Variants in LARGE1 observed in about 807,000 individuals in gnomAD.
The protein encoded by LARGE1 is xylosyl- and glucuronyltransferase LARGE1.
Under a neutral mutation model 87.6 loss-of-function variants are expected in LARGE1, and 43 were observed. The ratio of observed to expected loss-of-function variants is 0.49; its 90% CI spans 0.38 to 0.63. The LOEUF (loss-of-function observed/expected upper bound fraction) is 0.63, where lower values mean the gene tolerates loss of function less well. Among genes scored for constraint, LARGE1 ranks in the 30% least tolerant of loss-of-function variants. The pLI is 0.00. For missense variants in LARGE1, 802 were observed against 1,000.2 expected (o/e 0.80, Z 2.67); for synonymous variants, 434 against 394.6 (o/e 1.10, Z -1.18).
At chr22:33,533,784 TCTTC>T (rs1233228221) in intron 6 of LARGE1, among the ~76,000 whole-genome samples, 9 of 152,162 alleles carry the variant, frequency 5.9e-5, no homozygotes, top group Admixed American at 2.6e-4. Flanking sequence ...TTCCTAAAGC[TCTTC>T]CTTGTTTTTC....
intron 5 of LARGE1, among the ~76,000 whole-genome samples, chr22:33,592,509 A>G (rs937484350): frequency 1.3e-5 from 2 of 152,194 alleles, no homozygotes; most frequent in Non-Finnish European, 2.9e-5. Context: ...GTTACCCCAC[A>G]AAATCCACTA....
At chr22:33,257,614 G>A (rs1314303491) in intron 11 of LARGE1, among the ~76,000 whole-genome samples, 1 of 152,130 alleles carries the variant, frequency 6.6e-6, no homozygotes, top group Non-Finnish European at 1.5e-5. Context: ...CCTTTAAATA[G>A]CCCTTAACGG....
intron 9 of LARGE1, among the ~76,000 whole-genome samples, chr22:33,341,625 C>T (rs1939154906): frequency 6.6e-6 from 1 of 152,172 alleles, no homozygotes; most frequent in African/African-American, 2.4e-5. Context: ...TTGGTCCAAA[C>T]CACATCCCCA....
rs890842868 is a variant in LARGE1, at chr22:33,610,354, C to T, written c.492-5796G>A. 3.3e-5 allele frequency among the ~76,000 whole-genome samples: 5 copies of T among 152,228 alleles called. No homozygotes were observed. The East Asian group carries it at 7.7e-4, about 24-fold the overall frequency. ...GTCCAGTCTGACAAGTTCTCAGATG[C>T]GAATGAGGAACTTATTGGGAACTTG... On this transcript the variant is annotated intron_variant, in intron 4 of 14. Coordinates refer to ENST00000397394, the MANE Select transcript of LARGE1 (RefSeq NM_133642.5).
intron 1 of LARGE1, among the ~76,000 whole-genome samples, chr22:33,810,303 C>T (rs941048223): frequency 2.6e-5 from 4 of 152,172 alleles, no homozygotes; most frequent in Non-Finnish European, 5.9e-5. Flanking sequence ...ACTGGCTGAA[C>T]CCAAAGCCAT....
chr22:33,092,581 G>A, the LARGE1 span, among the ~76,000 whole-genome samples: 1 of 152,080 alleles, frequency 6.6e-6, no homozygotes, highest in African/African-American at 2.4e-5. Flanking sequence ...ATTAAGCCCT[G>A]CATGCATTAG....
At chr22:33,655,671 T>C (rs2080939112) in intron 2 of LARGE1, among the ~76,000 whole-genome samples, 2 of 152,286 alleles carry the variant, frequency 1.3e-5, no homozygotes, top group African/African-American at 4.8e-5. Flanking sequence ...AGATCACACC[T>C]TGAGTGGCAC....
At chr22:33,203,131 G>C (rs951125731) in intron 11 of LARGE1, among the ~76,000 whole-genome samples, 6 of 150,018 alleles carry the variant, frequency 4.0e-5, no homozygotes, top group East Asian at 3.9e-4. Flanking sequence ...GTGTGCAAGA[G>C]AGAATGAGAG....
At position 33,384,312 on chromosome 22, in the gene LARGE1, A is replaced by G; in HGVS notation, c.893-8T>C. 1 of 1,587,972 alleles carries G rather than the reference A, an allele frequency of 6.3e-7. No homozygotes were observed. Among genetic ancestry groups the G allele is most frequent in the African/African-American group, 1.3e-5 (1 of 74,448 alleles). ...GAAGTAACAGGATCACCCCTGGGCA[A>G]CAGCACAGGATAAAAGAGAAAATTA... On this transcript the variant is annotated splice_region_variant and splice_polypyrimidine_tract_variant and intron_variant, in intron 7 of 14. Coordinates refer to ENST00000397394, the MANE Select transcript of LARGE1 (RefSeq NM_133642.5).
At chr22:33,178,424 C>G in intron 11 of LARGE1, among the ~76,000 whole-genome samples, 1 of 152,132 alleles carries the variant, frequency 6.6e-6, no homozygotes, top group Non-Finnish European at 1.5e-5. Context: ...AGGTGATACT[C>G]ATGAAGAAAG....
chr22:33,211,195 A>G (rs1016268335), intron 11 of LARGE1, among the ~76,000 whole-genome samples: 1 of 152,146 alleles, frequency 6.6e-6, no homozygotes, highest in Non-Finnish European at 1.5e-5. Context: ...TAATCTATAA[A>G]TGTTCTGACT....
rs998739962 is a variant in LARGE1, at chr22:33,728,578, A to C, written c.106+32793T>G. ...AAAAAAAAAAAAAAAAAAAAAAAAA[A>C]ACCAACAACAGAGACACATTTCCAG... On this transcript the variant is annotated intron_variant, in intron 2 of 14. Coordinates refer to ENST00000397394, the MANE Select transcript of LARGE1 (RefSeq NM_133642.5). 1.7e-4 allele frequency among the ~76,000 whole-genome samples: 25 copies of C among 146,608 alleles called. 2 individuals carry two copies. The highest frequency in any genetic ancestry group is 6.7e-4 in the African/African-American group (25 of 37,376).
At chr22:33,389,509 G>A (rs1021019356) in intron 7 of LARGE1, among the ~76,000 whole-genome samples, 1 of 152,196 alleles carries the variant, frequency 6.6e-6, no homozygotes, top group Admixed American at 6.5e-5. Flanking sequence ...AGCCAGACAA[G>A]GATGTAGAGC....
chr22:33,398,710 A>C (rs1457641259), intron 7 of LARGE1, among the ~76,000 whole-genome samples: 1 of 152,202 alleles, frequency 6.6e-6, no homozygotes, highest in Non-Finnish European at 1.5e-5. Context: ...TCAAGTCAAC[A>C]TGAGGTCATA....
chr22:33,162,998 G>A (rs1922085745), exon 12 of LARGE1: 1 of 152,178 alleles, frequency 6.6e-6, no homozygotes, highest in African/African-American at 2.4e-5. Context: ...TGTCTTCTCA[G>A]ATTCTCTTCT....
chr22:33,381,775 G>T, intron 9 of LARGE1, 144 bp downstream of exon 9: 1 of 1,147,702 alleles, frequency 8.7e-7, no homozygotes, highest in Non-Finnish European at 1.3e-6. Context: ...ACCCCACAAA[G>T]ATGAAAAGCA....
downstream of LARGE1, among the ~76,000 whole-genome samples, chr22:33,268,859 A>G (rs536067616): frequency 6.6e-6 from 1 of 152,356 alleles, no homozygotes; most frequent in East Asian, 1.9e-4. Context: ...TCAGAAATGT[A>G]TACATGTGGA....
intron 11 of LARGE1, among the ~76,000 whole-genome samples, chr22:33,187,921 CAAA>C (rs578115819): frequency 2.9e-3 from 107 of 36,868 alleles, no homozygotes; most frequent in South Asian, 3.0e-3. Context: ...GACTCCGTCT[CAAA>C]AAAAAAAAAA....
chr22:33,570,714 A>T (rs983250226), intron 5 of LARGE1, among the ~76,000 whole-genome samples: 3 of 151,582 alleles, frequency 2.0e-5, no homozygotes, highest in Non-Finnish European at 4.4e-5. Flanking sequence ...TCCCTCTGGT[A>T]GATCTCCAAA....
Sources: gnomAD v4.1 joint callset for allele counts (sites outside exome capture counted in the v4.1 genomes callset) on GRCh38, gnomAD v4.1.1 for gene constraint, MANE v1.5 for transcripts, NCBI Gene and HGNC (gene_info 2026-07-23, HGNC 2026-07-21) for gene names.